Variants in GSE1 observed in about 807,000 individuals in gnomAD.
GSE1 encodes Gse1 coiled-coil protein, also known as genetic suppressor element 1.
GSE1 carries 32 observed loss-of-function variants against 112.6 expected under a neutral mutation model. That is an observed-to-expected ratio of 0.28 (90% CI 0.21 to 0.38). The LOEUF is 0.38. Among genes scored for constraint, GSE1 ranks in the 10% least tolerant of loss-of-function variants. The pLI, the probability that GSE1 is intolerant of heterozygous loss-of-function variation, is 1.00. For synonymous variants in GSE1, 1,115 were observed against 735.6 expected, an observed-to-expected ratio of 1.52 and a Z score of -8.35; for missense variants, 2,348 against 1,699.2, an observed-to-expected ratio of 1.38 and a Z score of -6.71.
chr16:85,472,833 G>C (rs1050587841), intron 2 of GSE1, among the ~76,000 whole-genome samples: 5 of 152,276 alleles, frequency 3.3e-5, no homozygotes, highest in African/African-American at 4.8e-5. Flanking sequence ...GTAGGGAGCA[G>C]GGTGCTGCAG....
intron 1 of GSE1, among the ~76,000 whole-genome samples, chr16:85,225,487 G>C (rs1177380835): frequency 6.6e-6 from 1 of 152,174 alleles, no homozygotes; most frequent in Non-Finnish European, 1.5e-5. Context: ...CAGGGCCTTG[G>C]AGCACTTAGC....
At chr16:85,382,530 G>A (rs780627178) in intron 2 of GSE1, among the ~76,000 whole-genome samples, 14 of 152,264 alleles carry the variant, frequency 9.2e-5, no homozygotes, top group Non-Finnish European at 1.8e-4. Context: ...TCACTTTCCC[G>A]ATGAGACAGC....
rs1247447177 is a variant in GSE1 at position 85,373,840 on chromosome 16, T to C, written c.2464+16197T>C. ...GCTCCTGCCCCACGGTGCCCCACGG[T>C]TACCACCGCCACGGCAGGGCCAGTC... On this transcript the variant is annotated intron_variant, in intron 2 of 2. Transcript: ENST00000637419. This position sits in a 1 kb window ranked among gnomAD's most constrained non-coding sequence, Gnocchi z 5.1. Among the ~76,000 whole-genome samples the C allele has an allele frequency of 2.0e-5, 3 of 152,120 alleles. No individual in the cohort carries two copies. Among genetic ancestry groups the C allele is most frequent in the Non-Finnish European group, 4.4e-5 (3 of 67,996 alleles).
chr16:85,220,278 G>C (rs1205314483), intron 1 of GSE1, among the ~76,000 whole-genome samples: 1 of 152,216 alleles, frequency 6.6e-6, no homozygotes, highest in Non-Finnish European at 1.5e-5. Flanking sequence ...TAGGAGCTGG[G>C]GGCAGGCGGG....
intron 2 of GSE1, among the ~76,000 whole-genome samples, chr16:85,440,205 G>A (rs2151779124): frequency 6.6e-6 from 1 of 152,352 alleles, no homozygotes; most frequent in Non-Finnish European, 1.5e-5. Context: ...CGGGACCAGT[G>A]GGGTCTGGAG....
chr16:85,618,109 G>A (rs2048494742), intron 1 of GSE1, among the ~76,000 whole-genome samples: 1 of 152,102 alleles, frequency 6.6e-6, no homozygotes, highest in African/African-American at 2.4e-5. Context: ...CTCTAGCCAG[G>A]CCTTCCAATT....
chr16:85,382,630 G>A (rs1597549228), intron 2 of GSE1, among the ~76,000 whole-genome samples: 1 of 152,144 alleles, frequency 6.6e-6, no homozygotes, highest in Admixed American at 6.5e-5. Flanking sequence ...GACAGAATGG[G>A]GAGCAGGGAA....
intron 1 of GSE1, chr16:85,283,433 C>T (rs1434867291): frequency 6.5e-6 from 1 of 152,772 alleles, no homozygotes; most frequent in African/African-American, 2.4e-5. Flanking sequence ...TTTGGGGCTG[C>T]ACACGCACCT....
At chr16:85,486,623 T>C (rs77218816) in intron 2 of GSE1, among the ~76,000 whole-genome samples, 24,348 of 152,140 alleles carry the variant, frequency 0.16, 2,057 homozygotes, top group African/African-American at 0.2. Flanking sequence ...CTGAGAGGCC[T>C]GCCCTGGTCC....
At chr16:85,416,000 C>T (rs1455245505) in intron 2 of GSE1, among the ~76,000 whole-genome samples, 1 of 152,160 alleles carries the variant, frequency 6.6e-6, no homozygotes, top group Non-Finnish European at 1.5e-5. Flanking sequence ...TATGGCTCAC[C>T]ATCGCGGCAC....
chr16:85,332,374 G>C (rs909308332), intron 1 of GSE1, among the ~76,000 whole-genome samples: 1 of 152,176 alleles, frequency 6.6e-6, no homozygotes, highest in Non-Finnish European at 1.5e-5. Flanking sequence ...TGCACTGCAG[G>C]TGCTTTGTCC....
At chr16:85,319,103 C>T (rs1044644317) in intron 1 of GSE1, among the ~76,000 whole-genome samples, 4 of 152,150 alleles carry the variant, frequency 2.6e-5, no homozygotes, top group African/African-American at 9.7e-5. Flanking sequence ...TGTCATAGGC[C>T]CTCAGTATCG....
At chr16:85,601,912 T>G (rs75539062) in intron 1 of GSE1, among the ~76,000 whole-genome samples, 2,642 of 152,292 alleles carry the variant, frequency 0.017, 28 homozygotes, top group Non-Finnish European at 0.028. Context: ...AACTGGGACT[T>G]GATTGTCCGA....
At chr16:85,328,178 C>T (rs1418975564) in intron 1 of GSE1, among the ~76,000 whole-genome samples, 7 of 152,246 alleles carry the variant, frequency 4.6e-5, no homozygotes, top group African/African-American at 7.2e-5. Flanking sequence ...GCAGAACATA[C>T]GACAGCAGAG....
chr16:85,655,944 C>T (rs1337753781), intron 6 of GSE1, 27 bp downstream of exon 6: 1 of 1,564,938 alleles, frequency 6.4e-7, no homozygotes, highest in Non-Finnish European at 8.7e-7. Context: ...CCGAGGAGCC[C>T]CTCTGCCCTC....
chr16:85,478,732 A>G (rs1181588819), intron 2 of GSE1, among the ~76,000 whole-genome samples: 1 of 149,138 alleles, frequency 6.7e-6, no homozygotes. Flanking sequence ...CAGTGGCTCC[A>G]TCTCAGCTCA....
chr16:85,495,997 G>C (rs947862784), intron 2 of GSE1, among the ~76,000 whole-genome samples: 1 of 152,204 alleles, frequency 6.6e-6, no homozygotes, highest in African/African-American at 2.4e-5. Flanking sequence ...AGCCGCGGGG[G>C]GACCTGCCTC....
At chr16:85,617,098 ATCCCGTCTGCCTGGGATTC>A (rs1323702835) in intron 1 of GSE1, among the ~76,000 whole-genome samples, 1 of 152,154 alleles carries the variant, frequency 6.6e-6, no homozygotes, top group Non-Finnish European at 1.5e-5. Flanking sequence ...AGCATGGGCC[ATCCCGTCTGCCTGGGATTC>A]TCCCGTCTGC....
At chr16:85,211,116 C>G (rs2075217223) in intron 1 of GSE1, among the ~76,000 whole-genome samples, 1 of 152,154 alleles carries the variant, frequency 6.6e-6, no homozygotes, top group African/African-American at 2.4e-5. Flanking sequence ...ACACTGGGCT[C>G]TGTGAGCCAC....
Sources: allele counts gnomAD v4.1 joint callset (sites outside exome capture counted in the v4.1 genomes callset), GRCh38; gene constraint gnomAD v4.1.1; non-coding constraint Gnocchi (gnomAD v3.1); transcripts MANE v1.5; gene names NCBI Gene and HGNC (gene_info 2026-07-23, HGNC 2026-07-21).